Variants in NRCAM observed in about 807,000 individuals in gnomAD.
The protein encoded by NRCAM is NgCAM-related cell adhesion molecule.
A neutral mutation model predicts 156.5 loss-of-function variants in NRCAM; 83 were observed. The ratio of observed to expected loss-of-function variants is 0.53; its 90% CI spans 0.44 to 0.64. NRCAM has a LOEUF of 0.64. Ranked by LOEUF, NRCAM falls within the 30% of genes least tolerant of loss-of-function variation. The pLI, the probability that NRCAM is intolerant of heterozygous loss-of-function variation, is 0.00. For missense variants in NRCAM, 1,417 were observed against 1,597.3 expected (o/e 0.89, Z 1.92); for synonymous variants, 538 against 563.9 (o/e 0.95, Z 0.65).
chr7:108,343,243 A>G (rs2099313599), intron 2 of NRCAM, among the ~76,000 whole-genome samples: 1 of 152,188 alleles, frequency 6.6e-6, no homozygotes, highest in Non-Finnish European at 1.5e-5. Context: ...AGAAGGAAAA[A>G]GGGTAAATAT....
chr7:108,195,655 TG>T (rs1384835747), intron 15 of NRCAM, 105 bp downstream of exon 15: 4 of 664,316 alleles, frequency 6.0e-6, no homozygotes, highest in Non-Finnish European at 1.1e-5. Context: ...ATGGATTGTG[TG>T]GTGCCTTTCC....
intron 3 of NRCAM, among the ~76,000 whole-genome samples, chr7:108,285,421 A>G (rs2098055210): frequency 6.6e-6 from 1 of 152,208 alleles, no homozygotes; most frequent in African/African-American, 2.4e-5. Context: ...ATCTGTTTTG[A>G]AAAAAAGCTT....
At chr7:108,294,396 T>A (rs1004034910) in intron 3 of NRCAM, among the ~76,000 whole-genome samples, 4 of 152,044 alleles carry the variant, frequency 2.6e-5, no homozygotes. Context: ...TTCTCCCTGT[T>A]GCAGTTCCAG....
chr7:108,169,356 G>A (rs573385898), intron 28 of NRCAM, among the ~76,000 whole-genome samples: 1 of 152,104 alleles, frequency 6.6e-6, no homozygotes. Context: ...AATTTGGGTA[G>A]TTAAAAAAGA....
intron 1 of NRCAM, among the ~76,000 whole-genome samples, chr7:108,432,847 AG>A (rs1827155747): frequency 6.6e-6 from 1 of 151,888 alleles, no homozygotes; most frequent in Non-Finnish European, 1.5e-5. Flanking sequence ...GGTTGCCGTA[AG>A]CACCACTGCA....
intron 1 of NRCAM, among the ~76,000 whole-genome samples, chr7:108,455,181 T>G (rs1855388020): frequency 6.6e-6 from 1 of 152,098 alleles, no homozygotes; most frequent in Non-Finnish European, 1.5e-5. Context: ...GACGACTCCC[T>G]TGCTCACCCT....
At chr7:108,329,264 G>A (rs1166740466) in intron 2 of NRCAM, among the ~76,000 whole-genome samples, 1 of 152,074 alleles carries the variant, frequency 6.6e-6, no homozygotes, top group Non-Finnish European at 1.5e-5. Context: ...AATAAATAAT[G>A]AATAGTGAGC....
At chr7:108,182,941 C>G in intron 22 of NRCAM, 21 bp from the exon 23 acceptor site, 1 of 1,595,610 alleles carries the variant, frequency 6.3e-7, no homozygotes. Flanking sequence ...AGCCAAATAA[C>G]CAGAGCTTAT....
At chr7:108,205,836 G>A (rs975839290) in intron 13 of NRCAM, among the ~76,000 whole-genome samples, 6 of 152,048 alleles carry the variant, frequency 3.9e-5, no homozygotes, top group African/African-American at 1.2e-4. Flanking sequence ...AAATCCGCCC[G>A]CCATAGCCTC....
intron 2 of NRCAM, among the ~76,000 whole-genome samples, chr7:108,338,468 T>G (rs1336882325): frequency 6.6e-6 from 1 of 152,104 alleles, no homozygotes; most frequent in African/African-American, 2.4e-5. Flanking sequence ...GGTATACAGT[T>G]CTCGACATGG....
At chr7:108,435,188 T>C (rs911356164) in intron 1 of NRCAM, among the ~76,000 whole-genome samples, 2 of 152,164 alleles carry the variant, frequency 1.3e-5, no homozygotes, top group Non-Finnish European at 2.9e-5. Context: ...TCTCAACTAA[T>C]AGATAATCTC....
At chr7:108,288,151 C>T (rs1392177072) in intron 3 of NRCAM, among the ~76,000 whole-genome samples, 1 of 152,060 alleles carries the variant, frequency 6.6e-6, no homozygotes, top group Non-Finnish European at 1.5e-5. Context: ...AAGTCAAACA[C>T]CACATGTTCT....
chr7:108,451,234 A>G (rs1849978291), intron 1 of NRCAM, among the ~76,000 whole-genome samples: 1 of 149,880 alleles, frequency 6.7e-6, no homozygotes, highest in African/African-American at 2.4e-5. Context: ...AAAAAAAAAC[A>G]AAGAAAGAAA....
In NRCAM at chr7:108,263,131, A is replaced by G. The variant is rs182174072; in HGVS notation, c.-106-22961T>C. On this transcript the variant is annotated intron_variant, in intron 3 of 32. Coordinates refer to ENST00000379028, the MANE Select transcript of NRCAM (RefSeq NM_001037132.4). ...AGTGTCTCATCCCTACGGCCCCCAC[A>G]GGAACCACGTGGATGCCCTGTGGCA... 1.3e-3 allele frequency among the ~76,000 whole-genome samples: 196 copies of G among 152,322 alleles called. 2 individuals are homozygous for G. Among genetic ancestry groups the G allele is most frequent in the Admixed American group, 2.5e-3 (39 of 15,304 alleles).
At chr7:108,299,146 A>AGGAAAGAAAGGAAAGAAAGGAAAGAAAGG (rs2098536562) in intron 3 of NRCAM, among the ~76,000 whole-genome samples, 1 of 85,298 alleles carries the variant, frequency 1.2e-5, no homozygotes, top group African/African-American at 4.3e-5. Context: ...AAGAAAAGAA[A>AGGAAAGAAAGGAAAGAAAGGAAAGAAAGG]AGTAAAAAAA....
chr7:108,302,295 T>G (rs966783738), intron 3 of NRCAM, among the ~76,000 whole-genome samples: 8 of 152,202 alleles, frequency 5.3e-5, no homozygotes, highest in Non-Finnish European at 1.2e-4. Context: ...GTGCACATTC[T>G]AGGTCCCTCA....
At chr7:108,218,173 T>TGGGG (rs34435583) in intron 11 of NRCAM, among the ~76,000 whole-genome samples, 70 of 118,650 alleles carry the variant, frequency 5.9e-4, no homozygotes, top group African/African-American at 2.2e-3. Context: ...TTCCCTTGGC[T>TGGGG]GGGGGGGGGG....
intron 1 of NRCAM, among the ~76,000 whole-genome samples, chr7:108,441,735 G>A (rs913398876): frequency 6.6e-6 from 1 of 152,184 alleles, no homozygotes; most frequent in East Asian, 1.9e-4. Context: ...ATAGCATAAA[G>A]CAGGGTTGGA....
At position 108,194,349 on chromosome 7, in the gene NRCAM, C is replaced by T; in HGVS notation, c.1543G>A (p.Ala515Thr). 1 of 1,613,098 alleles carries T rather than the reference C, an allele frequency of 6.2e-7. No homozygotes were observed. Among genetic ancestry groups the T allele is most frequent in the Non-Finnish European group, 8.5e-7 (1 of 1,179,220 alleles). ...TAAGTTCCTGTACTGTCCTTTTGGG[C>T]CACAGGAATTTCCAAAGTTCCATTT... ...HENGTLEIPVAQKDSTGTYTC... is the reference protein window; with the variant it reads ...HENGTLEIPVTQKDSTGTYTC... Residue 515 changes from alanine (A) to threonine (T), a missense_variant, in exon 16 of 33, where the codon GCC becomes ACC. By Grantham distance (58) the Ala-to-Thr change is moderately conservative. Coordinates refer to ENST00000379028, the MANE Select transcript of NRCAM (RefSeq NM_001037132.4).
Sources: allele counts gnomAD v4.1 joint callset (sites outside exome capture counted in the v4.1 genomes callset), GRCh38; gene constraint gnomAD v4.1.1; transcripts MANE v1.5; gene names NCBI Gene and HGNC (gene_info 2026-07-23, HGNC 2026-07-21).